Variants in PNLIPRP1 observed in about 807,000 individuals in gnomAD.
PNLIPRP1 encodes inactive pancreatic lipase-related protein 1.
In PNLIPRP1, 57 loss-of-function variants were observed where a neutral mutation model predicts 54.6. The ratio of observed to expected loss-of-function variants is 1.04; its 90% CI spans 0.84 to 1.30. The LOEUF (loss-of-function observed/expected upper bound fraction) is 1.30, where lower values mean the gene tolerates loss of function less well. Ranked by LOEUF, PNLIPRP1 falls within the 50% of genes most tolerant of loss-of-function variation. The probability of loss-of-function intolerance (pLI) is 0.00; values close to 1 mark genes in which losing one functional copy is unlikely to be tolerated. For synonymous variants in PNLIPRP1, 232 were observed against 208.8 expected, an observed-to-expected ratio of 1.11 and a Z score of -0.96; for missense variants, 567 against 568.5, an observed-to-expected ratio of 1.00 and a Z score of 0.03.
intron 8 of PNLIPRP1, among the ~76,000 whole-genome samples, chr10:116,599,462 C>A (rs1198210493): frequency 6.6e-6 from 1 of 151,992 alleles, no homozygotes; most frequent in African/African-American, 2.4e-5. Flanking sequence ...GCAGGGAGCC[C>A]AGAAAGGTTG....
chr10:116,599,363 G>A (rs1554864458), intron 8 of PNLIPRP1, among the ~76,000 whole-genome samples: 1 of 152,098 alleles, frequency 6.6e-6, no homozygotes, highest in African/African-American at 2.4e-5. Flanking sequence ...GCGTGCATAG[G>A]GCAGTCAAAA....
chr10:116,600,293 T>C (rs1847811596), intron 9 of PNLIPRP1, 128 bp downstream of exon 9: 1 of 657,456 alleles, frequency 1.5e-6, no homozygotes, highest in Non-Finnish European at 2.7e-6. Context: ...CATGGTCCTG[T>C]GGAGTGGAAG....
At position 116,598,066 on chromosome 10, in the gene PNLIPRP1, G is replaced by C; in HGVS notation, c.714G>C (p.Gln238His). ...TTTCAGGTTTTGGAACGAACCAACA[G>C]ATGGGTCATCTTGACTTCTTCCCCA... ...IPFLGFGTNQ[Q>H]MGHLDFFPNG... The change falls in exon 8 of 13, where the codon CAG becomes CAC. Residue 238 changes from glutamine to histidine, a missense_variant. Gln to His is a conservative substitution (Grantham distance 24). Coordinates refer to ENST00000358834, the MANE Select transcript of PNLIPRP1 (RefSeq NM_006229.4). 1 of 1,614,168 alleles carries C rather than the reference G, an allele frequency of 6.2e-7. No homozygotes were observed. The highest frequency in any genetic ancestry group is 8.5e-7 in the Non-Finnish European group (1 of 1,180,028).
rs1330443894 is a variant in PNLIPRP1 at position 116,598,098 on chromosome 10, G to A, written c.746G>A (p.Gly249Glu). The A allele has an allele frequency of 1.2e-6, 2 of 1,614,162 alleles. No homozygotes were observed. The highest frequency in any genetic ancestry group is 8.5e-7 in the Non-Finnish European group (1 of 1,180,018). ...MGHLDFFPNG[G>E]ESMPGCKKNA... ...CATCTTGACTTCTTCCCCAATGGAGGAGAGAGCATGCCGGGATGCAAGAAG... is the reference window on the plus strand; with the variant it reads ...CATCTTGACTTCTTCCCCAATGGAGAAGAGAGCATGCCGGGATGCAAGAAG... Residue 249 changes from glycine to glutamate, a missense_variant, in exon 8 of 13, where the codon GGA becomes GAA. Transcript: ENST00000358834.
At chr10:116,591,245 A>T in intron 2 of PNLIPRP1, 67 bp downstream of exon 2, 1 of 1,314,202 alleles carries the variant, frequency 7.6e-7, no homozygotes. Flanking sequence ...GGCCAGAGAA[A>T]GCTTTAACTG....
At chr10:116,592,342 G>A in intron 3 of PNLIPRP1, 74 bp from the exon 4 acceptor site, 1 of 1,499,436 alleles carries the variant, frequency 6.7e-7, no homozygotes. Flanking sequence ...CATTGGCGCA[G>A]GCGGAGATGA....
chr10:116,597,101 TTTA>T (rs1339020558), intron 6 of PNLIPRP1, among the ~76,000 whole-genome samples: 1 of 152,168 alleles, frequency 6.6e-6, no homozygotes, highest in Non-Finnish European at 1.5e-5. Flanking sequence ...AAATCTCTCT[TTTA>T]TTTTCAGCTG....
chr10:116,592,651 A>T (rs782490087), intron 4 of PNLIPRP1, 110 bp downstream of exon 4: 2 of 1,316,732 alleles, frequency 1.5e-6, no homozygotes, highest in Non-Finnish European at 2.2e-6. Flanking sequence ...AACTTTATGC[A>T]ATTAAAATGC....
At position 116,591,113 on chromosome 10, in the gene PNLIPRP1, GT is replaced by G; in HGVS notation, c.1-14del. The G allele has an allele frequency of 6.2e-7, 1 of 1,611,478 alleles. No individual in the cohort carries two copies. The highest frequency in any genetic ancestry group is 1.1e-5 in the South Asian group (1 of 91,044). On this transcript the variant is annotated splice_polypyrimidine_tract_variant and intron_variant, in intron 1 of 12. Transcript: ENST00000358834. Reference sequence around the variant, plus strand: ...GCAATGCCCGGTGAGACTGAATTATGTTTAAATTTATTGTAGATGCTGATCT... The same window carrying G: ...GCAATGCCCGGTGAGACTGAATTATGTTAAATTTATTGTAGATGCTGATCT...
At chr10:116,601,450 T>C (rs1847837903) in intron 10 of PNLIPRP1, among the ~76,000 whole-genome samples, 1 of 152,196 alleles carries the variant, frequency 6.6e-6, no homozygotes, top group South Asian at 2.1e-4. Context: ...TGAGGCCAGT[T>C]TGCACATCCT....
intron 12 of PNLIPRP1, among the ~76,000 whole-genome samples, chr10:116,608,713 GC>G (rs1847977596): frequency 6.6e-6 from 1 of 152,262 alleles, no homozygotes; most frequent in Non-Finnish European, 1.5e-5. Flanking sequence ...CTGGAAGACA[GC>G]ATCCCTCTGT....
chr10:116,596,072 G>A (rs1554863909), intron 5 of PNLIPRP1, 142 bp from the exon 6 acceptor site: 2 of 665,560 alleles, frequency 3.0e-6, no homozygotes, highest in East Asian at 2.5e-5. Flanking sequence ...AAGCTCGGAG[G>A]CCTTCAGAAT....
intron 10 of PNLIPRP1, among the ~76,000 whole-genome samples, chr10:116,603,225 T>C (rs1315914977): frequency 2.0e-5 from 3 of 152,032 alleles, no homozygotes; most frequent in Non-Finnish European, 4.4e-5. Context: ...GGAAACACAG[T>C]CCCCGCCCTC....
intron 12 of PNLIPRP1, 44 bp from the exon 13 acceptor site, chr10:116,609,009 G>C: frequency 7.0e-7 from 1 of 1,434,560 alleles, no homozygotes; most frequent in Non-Finnish European, 9.8e-7. Flanking sequence ...CCTGGCTTTT[G>C]CTAAGGTGAC....
At chr10:116,594,193 G>T in intron 4 of PNLIPRP1, 1 of 378,016 alleles carries the variant, frequency 2.6e-6, no homozygotes, top group Non-Finnish European at 5.2e-6. Context: ...TTTCCTTCCA[G>T]AATTCTTCAA....
intron 10 of PNLIPRP1, among the ~76,000 whole-genome samples, chr10:116,601,608 A>C (rs1847840925): frequency 6.6e-6 from 1 of 152,080 alleles, no homozygotes; most frequent in South Asian, 2.1e-4. Context: ...AAGAAGCCCA[A>C]CTCCATTCTC....
rs1417749625 is a variant in PNLIPRP1 at position 116,609,134 on chromosome 10, G to A, written c.*18G>A. ...CCTGCTAAGCTCCCGGGGCGACGAG[G>A]CTGCTGCGTTCACACTAATAAAATC... On this transcript the variant is annotated 3_prime_UTR_variant, in exon 13 of 13. Transcript: ENST00000358834. 19 of 1,587,742 alleles carry A rather than the reference G, an allele frequency of 1.2e-5. No homozygotes were observed. Among genetic ancestry groups the A allele is most frequent in the African/African-American group, 2.7e-5 (2 of 74,064 alleles).
intron 11 of PNLIPRP1, 55 bp downstream of exon 11, chr10:116,604,193 C>CCACACACACT: frequency 1.1e-6 from 1 of 929,762 alleles, no homozygotes; most frequent in Non-Finnish European, 1.8e-6. Flanking sequence ...AGCCTTCAAA[C>CCACACACACT]CACACACTTA....
intron 8 of PNLIPRP1, 123 bp downstream of exon 8, chr10:116,598,289 TG>T: frequency 1.0e-6 from 1 of 966,910 alleles, no homozygotes. Context: ...TTCCCTCTTC[TG>T]GGGATTATTT....
Sources: allele counts gnomAD v4.1 joint callset (sites outside exome capture counted in the v4.1 genomes callset), GRCh38; gene constraint gnomAD v4.1.1; transcripts MANE v1.5; gene names NCBI Gene and HGNC (gene_info 2026-07-23, HGNC 2026-07-21).